The following SLC24A2 variants were observed in gnomAD, a reference collection of about 807,000 sequenced individuals.
SLC24A2 encodes the protein sodium/potassium/calcium exchanger 2.
A neutral mutation model predicts 62.0 loss-of-function variants in SLC24A2; 36 were observed. The ratio of observed to expected loss-of-function variants is 0.58; its 90% confidence interval spans 0.44 to 0.77. The LOEUF is 0.77. Among genes scored for constraint, SLC24A2 ranks in the 30% least tolerant of loss-of-function variants. SLC24A2 has a pLI of 0.00. For missense variants in SLC24A2, 846 were observed against 817.9 expected, an observed-to-expected ratio of 1.03 and a Z score of -0.42; for synonymous variants, 358 against 294.0, an observed-to-expected ratio of 1.22 and a Z score of -2.23.
chr9:19,999,143 C>G, the SLC24A2 span, among the ~76,000 whole-genome samples: 2 of 152,204 alleles, frequency 1.3e-5, no homozygotes, highest in African/African-American at 4.8e-5. Flanking sequence ...AATTAAAGAC[C>G]TATATAAAGT....
Position 19,698,756 on chromosome 9 carries a change from A to C in SLC24A2, c.931-76457T>G, listed in dbSNP as rs554537236. On this transcript the variant is annotated intron_variant, in intron 2 of 10. Coordinates refer to ENST00000341998, the MANE Select transcript of SLC24A2 (RefSeq NM_020344.4). ...CAAATATCAAATACACACAGAGTTC[A>C]CTCTCTGTATTGCAGAAGGAAAGGA... 8.5e-4 allele frequency among the ~76,000 whole-genome samples: 129 copies of C among 152,234 alleles called. 1 individual carries two copies. The highest frequency in any genetic ancestry group is 3.1e-3 in the African/African-American group (128 of 41,556).
At chr9:19,873,552 T>TTCTTTCTTTC in the SLC24A2 span, among the ~76,000 whole-genome samples, 5 of 149,580 alleles carry the variant, frequency 3.3e-5, no homozygotes, top group African/African-American at 1.2e-4. Context: ...CTTTCTTTCT[T>TTCTTTCTTTC]TCTCTCTCTC....
the SLC24A2 span, among the ~76,000 whole-genome samples, chr9:19,866,866 T>C: frequency 3.3e-5 from 5 of 151,950 alleles, no homozygotes; most frequent in East Asian, 9.7e-4. Context: ...ATCAAAACAA[T>C]TGAACCCATG....
At chr9:19,813,074 A>G in the SLC24A2 span, among the ~76,000 whole-genome samples, 15 of 152,284 alleles carry the variant, frequency 9.9e-5, 1 homozygote, top group African/African-American at 2.4e-4. Context: ...GGAACCAGCC[A>G]CATGTCAGGC....
intron 2 of SLC24A2, among the ~76,000 whole-genome samples, chr9:19,767,926 C>G (rs968507309): frequency 1.2e-4 from 18 of 152,278 alleles, no homozygotes; most frequent in South Asian, 8.3e-4. Context: ...TGCTAAGAGT[C>G]TTCTTGTTGG....
chr9:19,710,107 G>A (rs546670974), intron 2 of SLC24A2, among the ~76,000 whole-genome samples: 1 of 152,222 alleles, frequency 6.6e-6, no homozygotes, highest in South Asian at 2.1e-4. Flanking sequence ...AGAGGGTACA[G>A]AAGAAAGATT....
chr9:20,301,935 T>C, the SLC24A2 span, among the ~76,000 whole-genome samples: 1 of 152,194 alleles, frequency 6.6e-6, no homozygotes, highest in Admixed American at 6.5e-5. Context: ...TGGCAACCAT[T>C]GGTCTTTTTA....
the SLC24A2 span, among the ~76,000 whole-genome samples, chr9:19,938,554 T>C: frequency 2.0e-5 from 3 of 152,174 alleles, no homozygotes; most frequent in South Asian, 4.1e-4. Context: ...TCCTTCTGCT[T>C]CACATTTCTA....
At chr9:20,157,846 T>C in the SLC24A2 span, among the ~76,000 whole-genome samples, 1 of 151,646 alleles carries the variant, frequency 6.6e-6, no homozygotes, top group Non-Finnish European at 1.5e-5. Context: ...GAAACTGTGC[T>C]TCATGATACC....
At position 19,771,089 on chromosome 9, in the gene SLC24A2, T is replaced by G. The variant is rs537416375; in HGVS notation, c.930+14848A>C. Reference sequence around the variant, plus strand: ...TTGGGGCTGCCGAGAGAAGGAAGCATCATTCGGTAGTGGCATGTGGCAGAG... The same window carrying G: ...TTGGGGCTGCCGAGAGAAGGAAGCAGCATTCGGTAGTGGCATGTGGCAGAG... On this transcript the variant is annotated intron_variant, in intron 2 of 10. Transcript: ENST00000341998. 2.6e-5 allele frequency among the ~76,000 whole-genome samples: 4 copies of G among 152,314 alleles called. No individual in the cohort carries two copies. In the East Asian group the frequency reaches 7.7e-4, roughly 29 times the overall value.
At chr9:19,810,522 TG>T in the SLC24A2 span, among the ~76,000 whole-genome samples, 10 of 152,240 alleles carry the variant, frequency 6.6e-5, 1 homozygote, top group South Asian at 2.1e-3. Flanking sequence ...CTGGAGGAAA[TG>T]GGTTCCCACA....
At chr9:20,008,504 C>A in the SLC24A2 span, among the ~76,000 whole-genome samples, 1 of 152,148 alleles carries the variant, frequency 6.6e-6, no homozygotes, top group Non-Finnish European at 1.5e-5. Flanking sequence ...TTCCATACTT[C>A]CAACCCCCTT....
the SLC24A2 span, among the ~76,000 whole-genome samples, chr9:20,286,575 TGCAAG>T: frequency 6.6e-6 from 1 of 152,312 alleles, no homozygotes; most frequent in South Asian, 2.1e-4. Context: ...TATGTTATGC[TGCAAG>T]GGGGGGCTGA....
chr9:20,304,233 C>A, the SLC24A2 span, among the ~76,000 whole-genome samples: 1 of 152,286 alleles, frequency 6.6e-6, no homozygotes, highest in East Asian at 1.9e-4. Context: ...CTGCTGGATG[C>A]TCTGTCCCTC....
At chr9:19,965,993 T>C in the SLC24A2 span, among the ~76,000 whole-genome samples, 1 of 152,218 alleles carries the variant, frequency 6.6e-6, no homozygotes, top group African/African-American at 2.4e-5. Flanking sequence ...TGATATTATA[T>C]TCCCTGTTCT....
chr9:20,041,878 G>A, the SLC24A2 span, among the ~76,000 whole-genome samples: 20 of 152,226 alleles, frequency 1.3e-4, no homozygotes, highest in South Asian at 1.0e-3. Flanking sequence ...TTGGCAATGC[G>A]CACTCCTAAT....
At chr9:19,618,385 G>A (rs147253846) in intron 4 of SLC24A2, among the ~76,000 whole-genome samples, 8 of 152,300 alleles carry the variant, frequency 5.3e-5, no homozygotes, top group African/African-American at 1.9e-4. Flanking sequence ...CTAGTAAACA[G>A]ATCCCAGGAC....
chr9:19,915,266 G>C, the SLC24A2 span, among the ~76,000 whole-genome samples: 9 of 152,130 alleles, frequency 5.9e-5, no homozygotes, highest in Admixed American at 3.9e-4. Flanking sequence ...TCAGCGCTTC[G>C]TTCTTTTTTA....
At chr9:19,559,257 T>C (rs1407017474) in intron 7 of SLC24A2, among the ~76,000 whole-genome samples, 1 of 152,200 alleles carries the variant, frequency 6.6e-6, no homozygotes, top group African/African-American at 2.4e-5. Context: ...TTATTTGATT[T>C]GAAGGTGGAA....
Sources: gnomAD v4.1 joint callset for allele counts (sites outside exome capture counted in the v4.1 genomes callset) on GRCh38, gnomAD v4.1.1 for gene constraint, MANE v1.5 for transcripts, NCBI Gene and HGNC (gene_info 2026-07-23, HGNC 2026-07-21) for gene names.